FER1L6: variants seen among roughly 807,000 people sequenced by gnomAD.
The protein encoded by FER1L6 is fer-1-like protein 6.
In FER1L6, 177 loss-of-function variants were observed where a neutral mutation model predicts 219.2. The ratio of observed to expected loss-of-function variants is 0.81; its 90% CI spans 0.71 to 0.91. The LOEUF is 0.91. Ranked by LOEUF, FER1L6 falls within the 40% of genes least tolerant of loss-of-function variation. The probability of loss-of-function intolerance (pLI) is 0.00; values close to 1 mark genes in which losing one functional copy is unlikely to be tolerated. For missense variants in FER1L6, 2,153 were observed against 2,259.9 expected, an observed-to-expected ratio of 0.95 and a Z score of 0.96; for synonymous variants, 768 against 824.3, an observed-to-expected ratio of 0.93 and a Z score of 1.17.
In FER1L6 at chr8:123,853,834, A is replaced by G. The variant is rs1816574666; in HGVS notation, c.-8+1649A>G. 6.6e-6 allele frequency among the ~76,000 whole-genome samples: 1 copy of G among 152,172 alleles called. No individual in the cohort carries two copies. The highest frequency in any genetic ancestry group is 1.5e-5 in the Non-Finnish European group (1 of 68,030). ...AAGGAACAACATCGCGGCCTTGATG[A>G]AGCCACAGTGATGCTACCCAGGGAC... On this transcript the variant is annotated intron_variant, in intron 1 of 40. Transcript: ENST00000522917. The surrounding 1 kb of genome is among the most constrained non-coding windows in gnomAD (Gnocchi z 6.6).
intron 3 of FER1L6, among the ~76,000 whole-genome samples, chr8:123,963,875 A>T (rs966776731): frequency 6.6e-6 from 1 of 152,274 alleles, no homozygotes; most frequent in African/African-American, 2.4e-5. Context: ...GTGGCTTAAT[A>T]TAATAAGCAT....
chr8:124,046,254 T>TA (rs1819728870), intron 21 of FER1L6: 1 of 170,904 alleles, frequency 5.9e-6, no homozygotes, highest in Admixed American at 6.1e-5. Flanking sequence ...TGCTGTTTAA[T>TA]AAAAATGTCC....
intron 1 of FER1L6, among the ~76,000 whole-genome samples, chr8:123,945,815 G>T (rs1814461448): frequency 6.6e-6 from 1 of 152,196 alleles, no homozygotes; most frequent in African/African-American, 2.4e-5. Flanking sequence ...TTCTTTGCGA[G>T]TCATATTTGA....
chr8:123,927,969 TTTTG>T (rs1330875136), intron 1 of FER1L6, among the ~76,000 whole-genome samples: 1 of 152,188 alleles, frequency 6.6e-6, no homozygotes, highest in Non-Finnish European at 1.5e-5. Context: ...TAATGGATGA[TTTTG>T]TTTATGTAAT....
chr8:124,118,155 G>A (rs536910619), intron 39 of FER1L6, among the ~76,000 whole-genome samples: 10 of 152,258 alleles, frequency 6.6e-5, no homozygotes, highest in African/African-American at 1.7e-4. Flanking sequence ...CAAAAGTGCC[G>A]AATGAAGGCG....
intron 1 of FER1L6, among the ~76,000 whole-genome samples, chr8:123,888,293 T>A (rs116599952): frequency 0.011 from 1,615 of 152,070 alleles, 22 homozygotes; most frequent in African/African-American, 0.037. Context: ...ATTTTTGTAG[T>A]TTTAGTACAG....
intron 20 of FER1L6, among the ~76,000 whole-genome samples, chr8:124,041,785 G>C (rs529228642): frequency 1.3e-5 from 2 of 152,216 alleles, no homozygotes; most frequent in African/African-American, 4.8e-5. Flanking sequence ...CCTGTGTTTT[G>C]AGAGTTAGTA....
chr8:123,884,000 T>G (rs564790562), intron 1 of FER1L6, among the ~76,000 whole-genome samples: 17 of 152,362 alleles, frequency 1.1e-4, no homozygotes, highest in African/African-American at 4.1e-4. Context: ...CATGGTTTTT[T>G]CATATTTTTT....
chr8:124,076,281 C>G lies in FER1L6; in HGVS notation c.4176C>G (p.Asp1392Glu). The G allele has an allele frequency of 6.2e-7, 1 of 1,613,852 alleles. No individual in the cohort carries two copies. Among genetic ancestry groups the G allele is most frequent in the Non-Finnish European group, 8.5e-7 (1 of 1,179,734 alleles). ...VIKLGKTEIK[D>E]RDKYIPKQLN... Reference sequence around the variant, plus strand: ...AGCTTGGCAAGACAGAAATCAAAGACCGGGATAAATACATCCCTAAACAAC... The same window carrying G: ...AGCTTGGCAAGACAGAAATCAAAGAGCGGGATAAATACATCCCTAAACAAC... The change falls in exon 32 of 41, where the codon GAC (aspartate) becomes GAG (glutamate). Residue 1392 changes from aspartate (D) to glutamate (E), a missense_variant. Transcript: ENST00000522917.
chr8:124,017,755 T>TA (rs1563746450), intron 16 of FER1L6, 37 bp downstream of exon 16: 5 of 1,556,094 alleles, frequency 3.2e-6, no homozygotes, highest in Non-Finnish European at 4.4e-6. Flanking sequence ...TGGACAGAGT[T>TA]AAAAATAAAC....
chr8:123,923,705 G>A (rs1201346055), intron 1 of FER1L6, among the ~76,000 whole-genome samples: 1 of 151,990 alleles, frequency 6.6e-6, no homozygotes, highest in Non-Finnish European at 1.5e-5. Flanking sequence ...CCTCCCAACT[G>A]CCCTATAAGG....
intron 33 of FER1L6, among the ~76,000 whole-genome samples, chr8:124,083,350 GTTTA>G (rs1042328317): frequency 6.6e-6 from 1 of 151,964 alleles, no homozygotes; most frequent in Non-Finnish European, 1.5e-5. Flanking sequence ...TCTGTGCCTG[GTTTA>G]TTTTTCTTAA....
At chr8:123,866,858 C>G (rs897956261) in intron 1 of FER1L6, among the ~76,000 whole-genome samples, 22 of 152,122 alleles carry the variant, frequency 1.4e-4, no homozygotes, top group African/African-American at 4.8e-4. Flanking sequence ...GCCTCTAGCA[C>G]TCCTCTGGCC....
chr8:123,929,621 T>C (rs1813693425), intron 1 of FER1L6, among the ~76,000 whole-genome samples: 2 of 152,128 alleles, frequency 1.3e-5, no homozygotes, highest in Non-Finnish European at 2.9e-5. Flanking sequence ...CCAATTCTAC[T>C]ACTCTCCGCT....
chr8:123,908,283 C>A (rs1167729309), intron 1 of FER1L6, among the ~76,000 whole-genome samples: 1 of 152,158 alleles, frequency 6.6e-6, no homozygotes, highest in African/African-American at 2.4e-5. Flanking sequence ...TAATCCTCAC[C>A]TGGGGGTGAA....
At chr8:123,886,631 C>T (rs1197232322) in intron 1 of FER1L6, among the ~76,000 whole-genome samples, 1 of 152,196 alleles carries the variant, frequency 6.6e-6, no homozygotes, top group Non-Finnish European at 1.5e-5. Flanking sequence ...AGTCTAAGAC[C>T]TGGGTGATCA....
At chr8:123,888,578 G>A (rs1228879647) in intron 1 of FER1L6, among the ~76,000 whole-genome samples, 1 of 152,140 alleles carries the variant, frequency 6.6e-6, no homozygotes, top group African/African-American at 2.4e-5. Context: ...CTTCTTCTCT[G>A]GTACTGTTTG....
At chr8:124,045,736 T>A (rs373865928) in intron 20 of FER1L6, 31 bp from the exon 21 acceptor site, 85 of 1,612,872 alleles carry the variant, frequency 5.3e-5, no homozygotes, top group Non-Finnish European at 7.0e-5. Flanking sequence ...AATTGAATGA[T>A]CTTTTGCTTT....
Position 124,097,855 on chromosome 8 carries a change from CA to C in FER1L6, c.4860del (p.Lys1620AsnfsTer7). 6.3e-7 allele frequency: 1 copy of C among 1,596,178 alleles called. No homozygotes were observed. The highest frequency in any genetic ancestry group is 8.6e-7 in the Non-Finnish European group (1 of 1,163,816). Reference sequence around the variant, plus strand: ...AGAGGATGAGAATATCTTCACAGGCCAAAAATCAAGTGATATTTATGTGAAA... The same window carrying C: ...AGAGGATGAGAATATCTTCACAGGCCAAAATCAAGTGATATTTATGTGAAA... ...ILEDENIFTG[Q>X]KSSDIYVKGW... On this transcript the variant is annotated frameshift_variant, in exon 37 of 41. Coordinates refer to ENST00000522917, the MANE Select transcript of FER1L6 (RefSeq NM_001039112.2). LOFTEE classifies it high-confidence loss of function.
Sources: gnomAD v4.1 joint callset for allele counts (sites outside exome capture counted in the v4.1 genomes callset) on GRCh38, gnomAD v4.1.1 for gene constraint, Gnocchi (gnomAD v3.1) non-coding constraint, MANE v1.5 for transcripts, NCBI Gene and HGNC (gene_info 2026-07-23, HGNC 2026-07-21) for gene names.